CRYBG1: variants seen among roughly 807,000 people sequenced by gnomAD.
CRYBG1 encodes crystallin beta-gamma domain containing 1, also known as beta/gamma crystallin domain-containing protein 1.
In CRYBG1, 139 loss-of-function variants were observed where a neutral mutation model predicts 189.2. The observed-to-expected ratio is 0.73, with a 90% confidence interval of 0.64 to 0.85. The LOEUF (loss-of-function observed/expected upper bound fraction) is 0.85, where lower values mean the gene tolerates loss of function less well. CRYBG1 is among the 40% of genes least tolerant of loss of function. CRYBG1 has a pLI of 0.00. For missense variants in CRYBG1, 2,611 were observed against 2,675.8 expected, an observed-to-expected ratio of 0.98 and a Z score of 0.53; for synonymous variants, 1,023 against 1,017.1, an observed-to-expected ratio of 1.01 and a Z score of -0.11.
chr6:106,409,298 A>G (rs911494440), intron 1 of CRYBG1, among the ~76,000 whole-genome samples: 2 of 152,216 alleles, frequency 1.3e-5, no homozygotes, highest in African/African-American at 4.8e-5. Flanking sequence ...TAAAATACCT[A>G]TGAATACAAC....
chr6:106,525,200 C>T lies in CRYBG1; in HGVS notation c.4293+20C>T. On this transcript the variant is annotated intron_variant, in intron 5 of 21. Transcript: ENST00000633556. ...GGAAAGGTAAGATTATTTTCTGTTTCTAGTCTTGATTCTATTTTGGTCTGA... is the reference window on the plus strand; with the variant it reads ...GGAAAGGTAAGATTATTTTCTGTTTTTAGTCTTGATTCTATTTTGGTCTGA... 6.2e-7 allele frequency: 1 copy of T among 1,614,018 alleles called. No homozygotes were observed.
At chr6:106,555,657 C>T in intron 16 of CRYBG1, 111 bp from the exon 17 acceptor site, 7 of 1,283,514 alleles carry the variant, frequency 5.5e-6, no homozygotes, top group Non-Finnish European at 7.5e-6. Context: ...ACTCTGTTTG[C>T]CAGAAGCATT....
intron 2 of CRYBG1, among the ~76,000 whole-genome samples, chr6:106,496,435 G>A (rs1772852845): frequency 6.6e-6 from 1 of 152,056 alleles, no homozygotes; most frequent in South Asian, 2.1e-4. Context: ...TAAGGTATAA[G>A]CTCTTCATCT....
In CRYBG1 at chr6:106,512,084, G is replaced by A; in HGVS notation, c.967G>A (p.Glu323Lys). ...CGGAGCCCCCAGTGTGTGTGCCGAA[G>A]AAGGCTCCCTGGGGCCCCGCAACGC... The part of the protein sequence containing the change: ...PNGAPSVCAE[E>K]GSLGPRNARS... Residue 323 changes from glutamate (E) to lysine (K), a missense_variant, in exon 3 of 22, where the codon GAA becomes AAA. Physicochemically the swap from Glu to Lys is moderately conservative, Grantham distance 56 (BLOSUM62 1). Around this residue, in one of 3 missense-constraint regions of CRYBG1, gnomAD observed 985 missense variants for 924.4 expected, o/e 1.07. Coordinates refer to ENST00000633556, the MANE Select transcript of CRYBG1 (RefSeq NM_001371242.2). 6.5e-7 allele frequency: 1 copy of A among 1,534,506 alleles called. No individual in the cohort carries two copies. Among genetic ancestry groups the A allele is most frequent in the Non-Finnish European group, 8.7e-7 (1 of 1,146,256 alleles).
At chr6:106,367,867 T>G (rs1769906774) in intron 1 of CRYBG1, among the ~76,000 whole-genome samples, 1 of 150,744 alleles carries the variant, frequency 6.6e-6, no homozygotes. Context: ...CTGGGGAGGC[T>G]GAAGTGGGAG....
chr6:106,388,054 A>C (rs1715711245), intron 1 of CRYBG1, among the ~76,000 whole-genome samples: 1 of 152,122 alleles, frequency 6.6e-6, no homozygotes. Flanking sequence ...TTCCCTCCAC[A>C]GTTATTACTG....
At position 106,563,942 on chromosome 6, in the gene CRYBG1, TTTA is replaced by T. The variant is rs1157890531; in HGVS notation, c.6301+19_6301+21del. 3 of 1,592,692 alleles carry T rather than the reference TTTA, an allele frequency of 1.9e-6. No individual in the cohort carries two copies. The highest frequency in any genetic ancestry group is 2.6e-6 in the Non-Finnish European group (3 of 1,161,748). On this transcript the variant is annotated intron_variant, in intron 21 of 21. Transcript: ENST00000633556. ...GACATTAAAGGTAAGGGTCACTTCC[TTTA>T]TTTTCTTTATTGTAATGTGTATGTC...
Position 106,544,832 on chromosome 6 carries a change from T to C in CRYBG1, c.5211T>C (p.Phe1737=). 6.2e-7 allele frequency: 1 copy of C among 1,611,238 alleles called. No homozygotes were observed. Among genetic ancestry groups the C allele is most frequent in the Non-Finnish European group, 8.5e-7 (1 of 1,179,336 alleles). The change falls in exon 13 of 22, where the codon TTT becomes TTC. Residue 1737 remains phenylalanine (F), a synonymous_variant. Transcript: ENST00000633556. ...TGATAATGTACAGTGAAAAAAACTT[T>C]GGATCCAAAGGTTCCAGTATTGATG... ...AHMIMYSEKN[F]GSKGSSIDVL... is the part of the protein sequence containing the mutation.
intron 2 of CRYBG1, among the ~76,000 whole-genome samples, chr6:106,507,975 G>A (rs572895015): frequency 6.6e-5 from 10 of 152,284 alleles, no homozygotes; most frequent in East Asian, 1.9e-4. Context: ...GGCTGGGTAC[G>A]GTGGCTCACA....
intron 2 of CRYBG1, among the ~76,000 whole-genome samples, chr6:106,500,640 T>C (rs1772988420): frequency 1.3e-5 from 2 of 152,182 alleles, no homozygotes; most frequent in Non-Finnish European, 2.9e-5. Flanking sequence ...TTGTTTCCCT[T>C]CCTGTGCAGA....
chr6:106,400,879 T>C (rs554799644), intron 1 of CRYBG1, among the ~76,000 whole-genome samples: 1 of 152,140 alleles, frequency 6.6e-6, no homozygotes, highest in South Asian at 2.1e-4. Flanking sequence ...AGGTGCAAGA[T>C]CGTAGAGAAG....
chr6:106,555,451 A>G (rs1446849563), intron 16 of CRYBG1, among the ~76,000 whole-genome samples: 1 of 152,144 alleles, frequency 6.6e-6, no homozygotes, highest in Non-Finnish European at 1.5e-5. Context: ...AAAGGACTTG[A>G]GGGCTTGAAG....
intron 1 of CRYBG1, among the ~76,000 whole-genome samples, chr6:106,435,087 A>C (rs539606772): frequency 1.3e-5 from 2 of 152,340 alleles, no homozygotes; most frequent in South Asian, 4.1e-4. Flanking sequence ...GCACAACAGG[A>C]AACAAAACAA....
At chr6:106,562,762 CAGGCAT>C in intron 20 of CRYBG1, among the ~76,000 whole-genome samples, 1 of 152,360 alleles carries the variant, frequency 6.6e-6, no homozygotes, top group Admixed American at 6.5e-5. Context: ...GCTGGGATTA[CAGGCAT>C]AAGCCACTGC....
intron 10 of CRYBG1, among the ~76,000 whole-genome samples, 156 bp downstream of exon 10, chr6:106,541,777 A>C (rs1002960778): frequency 7.2e-5 from 11 of 152,192 alleles, no homozygotes; most frequent in Non-Finnish European, 1.0e-4. Flanking sequence ...AATGCAGCCA[A>C]AGGAAGTTGC....
Position 106,544,846 on chromosome 6 carries a change from C to T in CRYBG1, c.5225C>T (p.Ser1742Phe). Residue 1742 changes from serine to phenylalanine, a missense_variant, in exon 13 of 22, where the codon TCC (serine) becomes TTC (phenylalanine). Physicochemically the swap from Ser to Phe is radical, Grantham distance 155. Transcript: ENST00000633556. Reference protein sequence around the residue: ...YSEKNFGSKGSSIDVLGIVAN... With the variant: ...YSEKNFGSKGFSIDVLGIVAN... ...GAAAAAAACTTTGGATCCAAAGGTT[C>T]CAGTATTGATGTATTGGGAATTGTT... 6.2e-7 allele frequency: 1 copy of T among 1,613,240 alleles called. No homozygotes were observed. The highest frequency in any genetic ancestry group is 8.5e-7 in the Non-Finnish European group (1 of 1,179,778).
chr6:106,525,236 C>T lies in CRYBG1; in HGVS notation c.4294-32C>T, dbSNP rs754454402. On this transcript the variant is annotated intron_variant, in intron 5 of 21. Transcript: ENST00000633556. ...TCTATTTTGGTCTGACAGAGTACAA[C>T]AAAGTGTGCTACCACTTTCGTTTTC... is the stretch of plus-strand genomic sequence containing the variant. The T allele has an allele frequency of 1.9e-6, 3 of 1,612,072 alleles. No individual in the cohort carries two copies. In the Admixed American group the frequency reaches 5.0e-5, roughly 27 times the overall value.
At position 106,398,358 on chromosome 6, in the gene CRYBG1, C is replaced by T. The variant is rs374186671; in HGVS notation, c.173+37277C>T. ...GGCAAGGAGGCTGAGATGGGAAGAT[C>T]GCTTCAGCCTGGGAGGCAGAGGTTG... On this transcript the variant is annotated intron_variant, in intron 1 of 21. Transcript: ENST00000633556. 5.9e-5 allele frequency among the ~76,000 whole-genome samples: 9 copies of T among 152,076 alleles called. No homozygotes were observed. In the East Asian group the frequency reaches 7.7e-4, roughly 13 times the overall value.
intron 1 of CRYBG1, among the ~76,000 whole-genome samples, chr6:106,436,715 T>G (rs1340866584): frequency 2.6e-5 from 4 of 152,162 alleles, no homozygotes; most frequent in Admixed American, 6.5e-5. Context: ...CCTGAATGGG[T>G]TTTTTGCAAA....
Sources: gnomAD v4.1 joint callset for allele counts (sites outside exome capture counted in the v4.1 genomes callset) on GRCh38, gnomAD v4.1.1 for gene constraint, gnomAD v4.1.1 regional missense constraint, MANE v1.5 for transcripts, NCBI Gene and HGNC (gene_info 2026-07-23, HGNC 2026-07-21) for gene names.